The following CADM2 variants were observed in gnomAD, a reference collection of about 807,000 sequenced individuals.
CADM2 encodes the protein cell adhesion molecule 2.
Under a neutral mutation model 49.8 loss-of-function variants are expected in CADM2, and 12 were observed. The observed-to-expected ratio is 0.24, with a 90% confidence interval of 0.15 to 0.39. The LOEUF is 0.39. CADM2 is among the 10% of genes least tolerant of loss of function. The pLI is 1.00. For synonymous variants in CADM2, 214 were observed against 175.4 expected (o/e 1.22, Z -1.74); for missense variants, 378 against 492.3 (o/e 0.77, Z 2.20).
At chr3:85,635,496 A>T (rs958238345) in intron 1 of CADM2, among the ~76,000 whole-genome samples, 3 of 152,280 alleles carry the variant, frequency 2.0e-5, no homozygotes, top group Middle Eastern at 3.4e-3. Context: ...CACTATAGAA[A>T]TTTTTAAGGA....
At chr3:85,907,583 A>G (rs1035283102) in intron 5 of CADM2, among the ~76,000 whole-genome samples, 1 of 152,118 alleles carries the variant, frequency 6.6e-6, no homozygotes, top group Non-Finnish European at 1.5e-5. Context: ...AAAGAGGTCT[A>G]TTTCAGGATC....
chr3:86,023,372 GTTTT>G (rs1162369787), intron 8 of CADM2, among the ~76,000 whole-genome samples: 2 of 20,922 alleles, frequency 9.6e-5, no homozygotes, highest in Non-Finnish European at 7.4e-5. Context: ...TTGTTTGTTT[GTTTT>G]GTTTTGTTTT....
intron 1 of CADM2, among the ~76,000 whole-genome samples, chr3:85,448,378 C>T (rs1351740669): frequency 6.6e-6 from 1 of 151,256 alleles, no homozygotes; most frequent in African/African-American, 2.4e-5. Context: ...TATCTCACTC[C>T]ATTTTGACAT....
intron 1 of CADM2, among the ~76,000 whole-genome samples, chr3:84,981,377 T>C (rs1185465923): frequency 6.6e-6 from 1 of 152,034 alleles, no homozygotes; most frequent in Non-Finnish European, 1.5e-5. Context: ...GTTTGTTTGG[T>C]CTAGGGTGCC....
intron 1 of CADM2, among the ~76,000 whole-genome samples, chr3:85,143,765 CT>C (rs1189887751): frequency 6.6e-6 from 1 of 152,184 alleles, no homozygotes; most frequent in Non-Finnish European, 1.5e-5. Flanking sequence ...ACTGGCCCCC[CT>C]ATTTCTATTC....
At chr3:86,048,639 A>G (rs765310648) in intron 8 of CADM2, among the ~76,000 whole-genome samples, 1 of 152,142 alleles carries the variant, frequency 6.6e-6, no homozygotes, top group Non-Finnish European at 1.5e-5. Context: ...AGCCAATATG[A>G]TATATACTAC....
At chr3:85,487,042 C>G (rs1291874028) in intron 1 of CADM2, among the ~76,000 whole-genome samples, 1 of 152,068 alleles carries the variant, frequency 6.6e-6, no homozygotes, top group Non-Finnish European at 1.5e-5. Context: ...AGAGCTAAAA[C>G]TGTCTTCTGA....
chr3:85,230,718 G>A (rs1471238418), intron 1 of CADM2, among the ~76,000 whole-genome samples: 1 of 152,176 alleles, frequency 6.6e-6, no homozygotes, highest in Non-Finnish European at 1.5e-5. Context: ...AAAATAGGGA[G>A]AAATTAAGTG....
chr3:86,060,914 GGAGGTTGCAGTGA>G (rs1738557538), intron 8 of CADM2, among the ~76,000 whole-genome samples: 1 of 151,976 alleles, frequency 6.6e-6, no homozygotes, highest in Non-Finnish European at 1.5e-5. Flanking sequence ...CCCGGGAGGT[GGAGGTTGCAGTGA>G]GTCAAGATCG....
At chr3:85,033,754 G>A (rs1231895869) in intron 1 of CADM2, among the ~76,000 whole-genome samples, 3 of 152,152 alleles carry the variant, frequency 2.0e-5, no homozygotes, top group Non-Finnish European at 4.4e-5. Flanking sequence ...TAGTTTGTGT[G>A]TGGGGAAAGA....
intron 1 of CADM2, among the ~76,000 whole-genome samples, chr3:85,131,886 TAA>T (rs10640149): frequency 1.4e-5 from 2 of 143,098 alleles, no homozygotes; most frequent in Non-Finnish European, 3.1e-5. Flanking sequence ...TGTGGCTGTA[TAA>T]AAAAAAAAAA....
intron 1 of CADM2, among the ~76,000 whole-genome samples, chr3:85,035,265 T>C (rs933024865): frequency 2.0e-5 from 3 of 152,172 alleles, no homozygotes; most frequent in African/African-American, 7.2e-5. Flanking sequence ...TTAAATCCGA[T>C]TATTAGATTT....
intron 8 of CADM2, among the ~76,000 whole-genome samples, chr3:85,982,167 C>T (rs1727559297): frequency 6.6e-6 from 1 of 151,662 alleles, no homozygotes; most frequent in Non-Finnish European, 1.5e-5. Flanking sequence ...TGAGAATTAT[C>T]TGTTAATGTC....
intron 1 of CADM2, among the ~76,000 whole-genome samples, chr3:85,702,154 T>C (rs2107712309): frequency 6.6e-6 from 1 of 152,280 alleles, no homozygotes; most frequent in South Asian, 2.1e-4. Flanking sequence ...GCTTTTATTC[T>C]TGAAATTCTT....
In CADM2 at chr3:85,765,359, G is replaced by T. The variant is rs1442006747; in HGVS notation, c.89-36688G>T. ...AGGATTCATTAATGTTGTCTGTGAG[G>T]TGGTGAGAATGTGTAATCCTCATAT... On this transcript the variant is annotated intron_variant, in intron 2 of 9. Transcript: ENST00000383699. 3.3e-5 allele frequency among the ~76,000 whole-genome samples: 5 copies of T among 152,042 alleles called. No homozygotes were observed. The East Asian group carries it at 9.6e-4, about 29-fold the overall frequency.
intron 1 of CADM2, among the ~76,000 whole-genome samples, chr3:85,376,545 A>G (rs1302129527): frequency 6.6e-6 from 1 of 152,128 alleles, no homozygotes; most frequent in Non-Finnish European, 1.5e-5. Flanking sequence ...TTTAGTAGTA[A>G]TGCTTTAATG....
chr3:85,423,547 G>T (rs1474749865), intron 1 of CADM2, among the ~76,000 whole-genome samples: 1 of 152,140 alleles, frequency 6.6e-6, no homozygotes. Context: ...CACCTCTGAA[G>T]CTATGGAAAG....
chr3:85,641,546 C>T (rs182637050), intron 1 of CADM2, among the ~76,000 whole-genome samples: 2 of 152,098 alleles, frequency 1.3e-5, no homozygotes, highest in African/African-American at 4.8e-5. Context: ...GAGAAAGAAG[C>T]TTGGAGTTAG....
In CADM2 at chr3:85,890,692, CT is replaced by C. The variant is rs11425614; in HGVS notation, c.529+4375del. On this transcript the variant is annotated intron_variant, in intron 5 of 9. Transcript: ENST00000383699. ...ATCAGTTCATGAAAAAAAAGAAAGA[CT>C]TTTTTTTTTCTTTTTTTCATTACTG... Among the ~76,000 whole-genome samples, 79 of 149,626 alleles carry C rather than the reference CT, an allele frequency of 5.3e-4. No individual in the cohort carries two copies. The East Asian group carries it at 6.1e-3, about 12-fold the overall frequency.
Sources: gnomAD v4.1 joint callset for allele counts (sites outside exome capture counted in the v4.1 genomes callset) on GRCh38, gnomAD v4.1.1 for gene constraint, MANE v1.5 for transcripts, NCBI Gene and HGNC (gene_info 2026-07-23, HGNC 2026-07-21) for gene names.